The following KRT20 variants were observed in gnomAD, a reference collection of about 807,000 sequenced individuals.
KRT20 encodes keratin 20.
Under a neutral mutation model 43.0 loss-of-function variants are expected in KRT20, and 41 were observed. The observed-to-expected ratio is 0.95, with a 90% CI of 0.74 to 1.24. KRT20 has a LOEUF of 1.24. Ranked by LOEUF, KRT20 falls within the 50% of genes most tolerant of loss-of-function variation. KRT20 has a pLI of 0.00. For missense variants in KRT20, 533 were observed against 521.2 expected (o/e 1.02, Z -0.22); for synonymous variants, 207 against 200.6 (o/e 1.03, Z -0.27).
chr17:40,879,774 A>G, intron 5 of KRT20, 39 bp downstream of exon 5: 1 of 1,610,502 alleles, frequency 6.2e-7, no homozygotes, highest in Non-Finnish European at 8.5e-7. Flanking sequence ...CTTGGTAAAC[A>G]CATACTAGAT....
chr17:40,883,248 C>T lies in KRT20; in HGVS notation c.391-594G>A, dbSNP rs141285501. On this transcript the variant is annotated intron_variant, in intron 1 of 7. Coordinates refer to ENST00000167588, the MANE Select transcript of KRT20 (RefSeq NM_019010.3). ...GATAATTTAACTCAACTTGAGTCAT[C>T]ACACCTTATTGAGTGCCTTGCCTTT... Among the ~76,000 whole-genome samples, 49 of 152,290 alleles carry T rather than the reference C, an allele frequency of 3.2e-4. No homozygotes were observed. In the East Asian group the frequency reaches 9.3e-3, roughly 29 times the overall value.
chr17:40,878,681 C>T (rs913264636), intron 5 of KRT20, among the ~76,000 whole-genome samples: 1 of 152,198 alleles, frequency 6.6e-6, no homozygotes, highest in Non-Finnish European at 1.5e-5. Context: ...TCAGACCTGG[C>T]CATGTGATCT....
At chr17:40,883,710 G>A (rs1427329537) in intron 1 of KRT20, among the ~76,000 whole-genome samples, 1 of 152,232 alleles carries the variant, frequency 6.6e-6, no homozygotes, top group Non-Finnish European at 1.5e-5. Context: ...CAATGGGACG[G>A]ATGGCCTGTG....
chr17:40,880,488 G>T, intron 3 of KRT20, 126 bp downstream of exon 3: 3 of 857,642 alleles, frequency 3.5e-6, no homozygotes, highest in East Asian at 2.6e-5. Flanking sequence ...TATTGTCATC[G>T]TCATCATCTC....
rs909081187 is a variant in KRT20, at chr17:40,876,137, T to C, written c.*224A>G. 4 of 431,810 alleles carry C rather than the reference T, an allele frequency of 9.3e-6. No homozygotes were observed. The East Asian group carries it at 1.3e-4, about 14-fold the overall frequency. 26.7% of individuals were successfully genotyped at this position (431,810 alleles called of 1,614,324 possible). On this transcript the variant is annotated 3_prime_UTR_variant, in exon 8 of 8. Coordinates refer to ENST00000167588, the MANE Select transcript of KRT20 (RefSeq NM_019010.3). ...AGTAATGATGTTTTAAATATTCTAGTGCTCACTGGATTTCATTTTTGCAGG... is the reference window on the plus strand; with the variant it reads ...AGTAATGATGTTTTAAATATTCTAGCGCTCACTGGATTTCATTTTTGCAGG...
intron 2 of KRT20, among the ~76,000 whole-genome samples, chr17:40,881,636 C>A: frequency 6.6e-6 from 1 of 152,178 alleles, no homozygotes; most frequent in East Asian, 1.9e-4. Flanking sequence ...AAGTAATGCA[C>A]CTTTACTGCT....
chr17:40,884,950 T>C lies in KRT20; in HGVS notation c.236A>G (p.Asp79Gly). Residue 79 changes from aspartate (D) to glycine (G), a missense_variant, in exon 1 of 8, where the codon GAC becomes GGC. By Grantham distance (94) the Asp-to-Gly change is moderately conservative. Transcript: ENST00000167588. The stretch of plus-strand genomic sequence containing the variant: ...CTTTTCTAGGTAGCTCGCTAGACGG[T>C]CATTTAGGTTCTGCATGGCCATTTT... ...NEKMAMQNLN[D>G]RLASYLEKVR... 1 of 1,614,182 alleles carries C rather than the reference T, an allele frequency of 6.2e-7. No homozygotes were observed. Among genetic ancestry groups the C allele is most frequent in the Non-Finnish European group, 8.5e-7 (1 of 1,180,036 alleles).
intron 7 of KRT20, 90 bp from the exon 8 acceptor site, chr17:40,876,548 T>G: frequency 1.3e-6 from 1 of 746,806 alleles, no homozygotes; most frequent in Non-Finnish European, 2.1e-6. Flanking sequence ...TCTTTTTACT[T>G]ATTTCCTTCT....
Position 40,882,558 on chromosome 17 carries a change from AT to A in KRT20, c.473+13del. 6.7e-7 allele frequency: 1 copy of A among 1,502,344 alleles called. No homozygotes were observed. Among genetic ancestry groups the A allele is most frequent in the Non-Finnish European group, 9.0e-7 (1 of 1,107,220 alleles). 93.1% of individuals were successfully genotyped at this position (1,502,344 alleles called of 1,614,324 possible). ...TCTTTTTCAGAAACTTTTGCCACGT[AT>A]TAGGGAACCTACTTCAGTCTGAAGT... On this transcript the variant is annotated intron_variant, in intron 2 of 7. Coordinates refer to ENST00000167588, the MANE Select transcript of KRT20 (RefSeq NM_019010.3).
At position 40,885,188 on chromosome 17, in the gene KRT20, G is replaced by C; in HGVS notation, c.-3C>G. On this transcript the variant is annotated 5_prime_UTR_variant, in exon 1 of 8. Coordinates refer to ENST00000167588, the MANE Select transcript of KRT20 (RefSeq NM_019010.3). ...AAGCTTCTGCGACTGAAATCCATTG[G>C]AGATTCCAGGAGGGAGCACCTGTAG... 1 of 1,589,138 alleles carries C rather than the reference G, an allele frequency of 6.3e-7. No individual in the cohort carries two copies. The highest frequency in any genetic ancestry group is 1.7e-5 in the Admixed American group (1 of 58,446).
chr17:40,880,530 T>A (rs147003274), intron 3 of KRT20, 84 bp downstream of exon 3: 1 of 1,211,990 alleles, frequency 8.3e-7, no homozygotes, highest in African/African-American at 1.5e-5. Flanking sequence ...TTCCCCCTTC[T>A]CCTGTTTCTC....
intron 5 of KRT20, among the ~76,000 whole-genome samples, chr17:40,878,808 C>CTT (rs11395499): frequency 2.3e-3 from 339 of 147,266 alleles, no homozygotes; most frequent in African/African-American, 7.0e-3. Context: ...TTTTCTTTTT[C>CTT]TTTTTTTTTT....
rs776794130 is a variant in KRT20, at chr17:40,876,315, C to A, written c.*46G>T. On this transcript the variant is annotated 3_prime_UTR_variant, in exon 8 of 8. Coordinates refer to ENST00000167588, the MANE Select transcript of KRT20 (RefSeq NM_019010.3). ...GCAGGGAGCAAAGATAAGATTATAGCCAAATTTCTTTCAAAACCTCAGCAG... is the reference window on the plus strand; with the variant it reads ...GCAGGGAGCAAAGATAAGATTATAGACAAATTTCTTTCAAAACCTCAGCAG... The A allele has an allele frequency of 3.2e-6, 4 of 1,264,838 alleles. No homozygotes were observed. The Admixed American group carries it at 5.1e-5, about 16-fold the overall frequency. 78.4% of individuals were successfully genotyped at this position (1,264,838 alleles called of 1,614,324 possible).
rs1174370478 is a variant in KRT20 at position 40,876,435 on chromosome 17, T to C, written c.1201A>G (p.Lys401Glu). ...ERDIKKTRKI[K>E]TVVQEVVDGK... is the part of the protein sequence containing the mutation. ...TCCACTACTTCTTGCACGACTGTCT[T>C]AATCTTCCTGGTTTTCTTTATATCT... The change falls in exon 8 of 8, where the codon AAG becomes GAG. Residue 401 changes from lysine to glutamate, a missense_variant. Transcript: ENST00000167588. 6.2e-7 allele frequency: 1 copy of C among 1,612,146 alleles called. No individual in the cohort carries two copies. The highest frequency in any genetic ancestry group is 8.5e-7 in the Non-Finnish European group (1 of 1,178,332).
rs751264036 is a variant in KRT20 at position 40,880,279 on chromosome 17, C to T, written c.631-18G>A. On this transcript the variant is annotated intron_variant, in intron 3 of 7. Transcript: ENST00000167588. ...TCGACTTCCTATGAAAGTGAAATTT[C>T]TGATTGATTTTAGTCTGAAGCACAT... 6.3e-7 allele frequency: 1 copy of T among 1,584,360 alleles called. No individual in the cohort carries two copies.
chr17:40,882,445 A>G (rs1957957872), intron 2 of KRT20, 127 bp downstream of exon 2: 1 of 374,164 alleles, frequency 2.7e-6, no homozygotes, highest in Non-Finnish European at 4.9e-6. Flanking sequence ...AACCTCCTTT[A>G]GGCTTCAGGA....
In KRT20 at chr17:40,876,082, G is replaced by C. The variant is rs1907335100; in HGVS notation, c.*279C>G. 3.3e-6 allele frequency: 1 copy of C among 306,116 alleles called. No individual in the cohort carries two copies. The highest frequency in any genetic ancestry group is 2.1e-5 in the African/African-American group (1 of 46,950). The allele number at this position is 306,116 out of a possible 1,614,324, so 19.0% of individuals were successfully genotyped here. A position where few individuals can be genotyped will look rare whatever the true frequency, so the allele number is the denominator to read the frequency against. ...ATTGATATTAGGTGGTCTACAGCTT[G>C]TAATTGATGTGCTTCATGATAAAGA... On this transcript the variant is annotated 3_prime_UTR_variant, in exon 8 of 8. Coordinates refer to ENST00000167588, the MANE Select transcript of KRT20 (RefSeq NM_019010.3).
chr17:40,880,123 C>A lies in KRT20; in HGVS notation c.769G>T (p.Ala257Ser). 6.2e-7 allele frequency: 1 copy of A among 1,613,674 alleles called. No individual in the cohort carries two copies. The highest frequency in any genetic ancestry group is 8.5e-7 in the Non-Finnish European group (1 of 1,179,788). ...EVMAQKNLQE[A>S]KEQFERQTAV... ...ACCTGTCTCTCAAACTGTTCTTTGG[C>A]CTCTTGAAGGTTCTTCTGGGCCATG... Residue 257 changes from alanine (A) to serine (S), a missense_variant, in exon 4 of 8, where the codon GCC becomes TCC. Transcript: ENST00000167588.
In KRT20 at chr17:40,884,783, C is replaced by T. The variant is rs754186341; in HGVS notation, c.390+13G>A. The T allele has an allele frequency of 7.5e-5, 120 of 1,604,146 alleles. No individual in the cohort carries two copies. In the South Asian group the frequency reaches 1.2e-3, roughly 17 times the overall value. On this transcript the variant is annotated intron_variant, in intron 1 of 7. Transcript: ENST00000167588. ...CTAAACACAGAGTAGGAAACACAAG[C>T]ATCATCTCTCACCTGACTTCGCAGC... is the stretch of plus-strand genomic sequence containing the variant.
Sources: allele counts gnomAD v4.1 joint callset (sites outside exome capture counted in the v4.1 genomes callset), GRCh38; gene constraint gnomAD v4.1.1; transcripts MANE v1.5; gene names NCBI Gene and HGNC (gene_info 2026-07-23, HGNC 2026-07-21).